The following CAST variants were observed in gnomAD, a reference collection of about 807,000 sequenced individuals.
CAST encodes the protein MIR583 host.
CAST carries 76 observed loss-of-function variants against 119.6 expected under a neutral mutation model. The ratio of observed to expected loss-of-function variants is 0.64; its 90% CI spans 0.53 to 0.77. The LOEUF is 0.77. Ranked by LOEUF, CAST falls within the 30% of genes least tolerant of loss-of-function variation. The pLI is 0.00. For synonymous variants in CAST, 319 were observed against 331.6 expected, an observed-to-expected ratio of 0.96 and a Z score of 0.41; for missense variants, 953 against 946.5, an observed-to-expected ratio of 1.01 and a Z score of -0.09.
chr5:96,426,703 A>T, the CAST span, among the ~76,000 whole-genome samples: 1 of 152,170 alleles, frequency 6.6e-6, no homozygotes, highest in African/African-American at 2.4e-5. Flanking sequence ...TCTTGGCAAT[A>T]TGACTATTTC....
At chr5:95,979,412 C>A in the CAST span, among the ~76,000 whole-genome samples, 1 of 152,128 alleles carries the variant, frequency 6.6e-6, no homozygotes, top group South Asian at 2.1e-4. Flanking sequence ...TGCTAAGTAA[C>A]ATTATCAGTT....
the CAST span, among the ~76,000 whole-genome samples, chr5:96,036,301 AT>A: frequency 6.6e-6 from 1 of 152,266 alleles, no homozygotes; most frequent in African/African-American, 2.4e-5. Flanking sequence ...AACTAAATGA[AT>A]TTATTCCCTT....
At chr5:96,152,359 A>T in the CAST span, among the ~76,000 whole-genome samples, 326 of 152,328 alleles carry the variant, frequency 2.1e-3, no homozygotes, top group Non-Finnish European at 3.6e-3. Flanking sequence ...TATCCTGGGC[A>T]GACAGTGACC....
chr5:96,733,273 A>G (rs1760951414), intron 9 of CAST, among the ~76,000 whole-genome samples: 1 of 152,210 alleles, frequency 6.6e-6, no homozygotes, highest in Admixed American at 6.5e-5. Flanking sequence ...AGGAATGCTT[A>G]CATGAAATGG....
In CAST at chr5:96,767,939, T is replaced by C. The variant is rs1770610876; in HGVS notation, c.2208T>C (p.Ala736=). The C allele has an allele frequency of 1.9e-6, 3 of 1,613,566 alleles. No homozygotes were observed. Among genetic ancestry groups the C allele is most frequent in the Non-Finnish European group, 2.5e-6 (3 of 1,179,606 alleles). The change falls in exon 29 of 32, where the codon GCT becomes GCC. Residue 736 remains alanine (A), a synonymous_variant. Transcript: ENST00000675179. ...KPADDQDPID[A]LSGDLDSCPS... ...CAGATGACCAAGACCCCATTGATGC[T>C]CTCTCAGGAGATCTGGACAGCTGTC...
At position 96,587,214 on chromosome 5, in the gene CAST, A is replaced by G. The variant is rs532670121; in HGVS notation, c.60+57334A>G. ...CAGCACATTTTTTGCCATGAAAAGC[A>G]AAATTGACTTTAAGAGCAACCCATT... On this transcript the variant is annotated intron_variant, in intron 1 of 11. Coordinates refer to the CAST transcript ENST00000505143. Among the ~76,000 whole-genome samples the G allele has an allele frequency of 1.1e-4, 17 of 152,352 alleles. 1 individual carries two copies. In the South Asian group the frequency reaches 3.5e-3, roughly 32 times the overall value.
At chr5:96,492,894 T>C in the CAST span, among the ~76,000 whole-genome samples, 3 of 152,178 alleles carry the variant, frequency 2.0e-5, no homozygotes, top group Non-Finnish European at 4.4e-5. Flanking sequence ...TTCAGTGAAA[T>C]CAAATGACGC....
chr5:96,171,616 C>T, the CAST span, among the ~76,000 whole-genome samples: 8 of 152,212 alleles, frequency 5.3e-5, no homozygotes, highest in East Asian at 3.9e-4. Context: ...TTCCCAAGTC[C>T]GTGACCAGCG....
At chr5:96,270,664 C>T in the CAST span, among the ~76,000 whole-genome samples, 1 of 152,074 alleles carries the variant, frequency 6.6e-6, no homozygotes, top group African/African-American at 2.4e-5. Flanking sequence ...GATGAGAACA[C>T]ATGGACACAT....
chr5:96,627,644 C>A (rs535893948), intron 1 of CAST, among the ~76,000 whole-genome samples: 1 of 152,176 alleles, frequency 6.6e-6, no homozygotes, highest in African/African-American at 2.4e-5. Context: ...CCTTAACAAA[C>A]TCCTGTTTAC....
chr5:96,138,038 G>A, the CAST span, among the ~76,000 whole-genome samples: 2 of 151,812 alleles, frequency 1.3e-5, no homozygotes, highest in Non-Finnish European at 2.9e-5. Context: ...TGTGCTTTTG[G>A]TGTTATAAAT....
chr5:96,310,895 T>A, the CAST span, among the ~76,000 whole-genome samples: 1 of 151,730 alleles, frequency 6.6e-6, no homozygotes, highest in African/African-American at 2.4e-5. Context: ...TTTGTGTTGA[T>A]CTTTTGTATT....
chr5:96,463,705 G>A, the CAST span, among the ~76,000 whole-genome samples: 1 of 152,020 alleles, frequency 6.6e-6, no homozygotes, highest in African/African-American at 2.4e-5. Flanking sequence ...GGGTATAGAA[G>A]GTGGTACCCC....
At chr5:95,972,383 C>T in the CAST span, among the ~76,000 whole-genome samples, 1 of 151,770 alleles carries the variant, frequency 6.6e-6, no homozygotes. Context: ...GTGTACTTGT[C>T]AGCACTTGGC....
chr5:96,448,219 C>T, the CAST span, among the ~76,000 whole-genome samples: 3 of 152,120 alleles, frequency 2.0e-5, no homozygotes, highest in Non-Finnish European at 4.4e-5. Context: ...AATCTTAAAG[C>T]CTTAGGTTTG....
chr5:96,200,256 T>G, the CAST span, among the ~76,000 whole-genome samples: 1 of 152,094 alleles, frequency 6.6e-6, no homozygotes, highest in Non-Finnish European at 1.5e-5. Flanking sequence ...TCAAAGGAGA[T>G]CAAATATTGC....
chr5:96,675,963 A>T (rs2150248963), intron 2 of CAST: 1 of 167,654 alleles, frequency 6.0e-6, no homozygotes, highest in Admixed American at 6.3e-5. Flanking sequence ...ACAATAAACC[A>T]TGAAAGGAGG....
chr5:96,659,409 T>G (rs1473842939), upstream of CAST, among the ~76,000 whole-genome samples: 1 of 152,218 alleles, frequency 6.6e-6, no homozygotes, highest in Non-Finnish European at 1.5e-5. Flanking sequence ...GTAAAGTCCT[T>G]TAGTGTAAGA....
the CAST span, among the ~76,000 whole-genome samples, chr5:96,082,929 A>G: frequency 1.3e-5 from 2 of 152,220 alleles, no homozygotes; most frequent in African/African-American, 4.8e-5. Context: ...GAAACACTAA[A>G]ATTCACCCTG....
Sources: allele counts gnomAD v4.1 joint callset (sites outside exome capture counted in the v4.1 genomes callset), GRCh38; gene constraint gnomAD v4.1.1; transcripts MANE v1.5; gene names NCBI Gene and HGNC (gene_info 2026-07-23, HGNC 2026-07-21).